ZNF804B: variants seen among roughly 807,000 people sequenced by gnomAD.
ZNF804B encodes zinc finger 804B.
ZNF804B carries 80 observed loss-of-function variants against 101.4 expected under a neutral mutation model. The observed-to-expected ratio is 0.79, with a 90% CI of 0.66 to 0.95. The LOEUF (loss-of-function observed/expected upper bound fraction) is 0.95. ZNF804B is among the 40% of genes least tolerant of loss of function. The pLI, the probability that ZNF804B is intolerant of heterozygous loss-of-function variation, is 0.00. For missense variants in ZNF804B, 1,673 were observed against 1,561.9 expected (o/e 1.07, Z -1.20); for synonymous variants, 622 against 558.8 (o/e 1.11, Z -1.59).
At chr7:88,927,873 A>G (rs1792829954) in intron 1 of ZNF804B, among the ~76,000 whole-genome samples, 2 of 151,984 alleles carry the variant, frequency 1.3e-5, no homozygotes, top group Admixed American at 6.6e-5. Flanking sequence ...TTTTTTAGCC[A>G]TGCATGTTTA....
At chr7:89,286,775 T>C (rs532438531) in intron 2 of ZNF804B, among the ~76,000 whole-genome samples, 1 of 152,166 alleles carries the variant, frequency 6.6e-6, no homozygotes, top group African/African-American at 2.4e-5. Flanking sequence ...GGCCCTTCTA[T>C]CATATGAGCA....
At position 89,065,578 on chromosome 7, in the gene ZNF804B, C is replaced by T. The variant is rs1789445100; in HGVS notation, c.109-152577C>T. 2.0e-5 allele frequency among the ~76,000 whole-genome samples: 3 copies of T among 152,082 alleles called. No individual in the cohort carries two copies. The South Asian group carries it at 6.2e-4, about 32-fold the overall frequency. ...TCTTTTCTTATTGCTGTAACAAATTCCCACAACACACAGTGGGTTAAAACA... is the reference window on the plus strand; with the variant it reads ...TCTTTTCTTATTGCTGTAACAAATTTCCACAACACACAGTGGGTTAAAACA... On this transcript the variant is annotated intron_variant, in intron 1 of 3. Coordinates refer to ENST00000333190, the MANE Select transcript of ZNF804B (RefSeq NM_181646.5).
intron 2 of ZNF804B, among the ~76,000 whole-genome samples, chr7:89,305,729 T>C (rs1790551601): frequency 6.6e-6 from 1 of 152,000 alleles, no homozygotes; most frequent in Non-Finnish European, 1.5e-5. Flanking sequence ...AGCAGATTAT[T>C]TTGTAAATTC....
At chr7:89,242,346 T>A (rs1403938829) in intron 2 of ZNF804B, among the ~76,000 whole-genome samples, 1 of 152,086 alleles carries the variant, frequency 6.6e-6, no homozygotes, top group Non-Finnish European at 1.5e-5. Flanking sequence ...TTTTGCTTTT[T>A]TACCTTGCTT....
intron 1 of ZNF804B, among the ~76,000 whole-genome samples, chr7:88,931,388 T>C (rs558729246): frequency 8.6e-4 from 130 of 152,038 alleles, no homozygotes; most frequent in African/African-American, 3.0e-3. Context: ...TCTGAATTCA[T>C]GAAGGTCAGT....
chr7:88,869,543 G>A (rs1673802792), intron 1 of ZNF804B, among the ~76,000 whole-genome samples: 1 of 152,026 alleles, frequency 6.6e-6, no homozygotes, highest in African/African-American at 2.4e-5. Flanking sequence ...GGAATTAACA[G>A]CAATATTTAT....
At chr7:89,155,112 G>A (rs763417921) in intron 1 of ZNF804B, among the ~76,000 whole-genome samples, 3 of 151,872 alleles carry the variant, frequency 2.0e-5, no homozygotes, top group Non-Finnish European at 4.4e-5. Context: ...AGAGTCACCG[G>A]CTCCACCCTG....
intron 1 of ZNF804B, among the ~76,000 whole-genome samples, chr7:89,027,091 T>TA (rs981706688): frequency 6.6e-6 from 1 of 151,932 alleles, no homozygotes; most frequent in African/African-American, 2.4e-5. Context: ...AAAGTGATTA[T>TA]AAAAAACCCA....
chr7:89,215,603 G>A (rs546945377), intron 1 of ZNF804B, among the ~76,000 whole-genome samples: 61 of 152,132 alleles, frequency 4.0e-4, no homozygotes, highest in African/African-American at 1.3e-3. Context: ...CTATGATTAG[G>A]CCGGGGGCGG....
At chr7:89,002,341 G>A (rs1788303067) in intron 1 of ZNF804B, among the ~76,000 whole-genome samples, 1 of 151,728 alleles carries the variant, frequency 6.6e-6, no homozygotes, top group African/African-American at 2.4e-5. Context: ...AAATTTTTGA[G>A]AAATTCACAT....
chr7:89,162,013 G>A (rs7790180), intron 1 of ZNF804B, among the ~76,000 whole-genome samples: 31,123 of 152,024 alleles, frequency 0.2, 3,392 homozygotes, highest in Middle Eastern at 0.39. Flanking sequence ...AACATATTTA[G>A]GATTTGTCAT....
chr7:89,069,500 AT>A (rs111620007), intron 1 of ZNF804B, among the ~76,000 whole-genome samples: 10,513 of 152,084 alleles, frequency 0.069, 431 homozygotes, highest in African/African-American at 0.094. Flanking sequence ...CATTCCTTTA[AT>A]TTTTTTTAAT....
At chr7:89,298,153 GTA>G (rs1439062511) in intron 2 of ZNF804B, among the ~76,000 whole-genome samples, 34 of 94,914 alleles carry the variant, frequency 3.6e-4, no homozygotes, top group East Asian at 1.2e-3. Flanking sequence ...CATATATATA[GTA>G]TATATATATA....
intron 2 of ZNF804B, among the ~76,000 whole-genome samples, chr7:89,298,210 G>A (rs1336967817): frequency 2.8e-4 from 19 of 68,678 alleles, no homozygotes; most frequent in African/African-American, 1.2e-3. Context: ...TAGTGTGTGT[G>A]TGTGTGTATA....
At chr7:88,938,688 T>C (rs1257433749) in intron 1 of ZNF804B, among the ~76,000 whole-genome samples, 1 of 151,930 alleles carries the variant, frequency 6.6e-6, no homozygotes, top group African/African-American at 2.4e-5. Flanking sequence ...AGAGCAAAAG[T>C]GGAAGTCTCA....
chr7:89,231,871 A>G (rs977903119), intron 2 of ZNF804B, among the ~76,000 whole-genome samples: 1 of 152,064 alleles, frequency 6.6e-6, no homozygotes, highest in Non-Finnish European at 1.5e-5. Context: ...AGAACATGTC[A>G]TCTACAAATA....
At chr7:88,904,190 A>G (rs1296211145) in intron 1 of ZNF804B, among the ~76,000 whole-genome samples, 1 of 152,204 alleles carries the variant, frequency 6.6e-6, no homozygotes, top group African/African-American at 2.4e-5. Context: ...GTATCCCAAC[A>G]ACATTTATTC....
At chr7:89,173,738 A>G (rs1191627254) in intron 1 of ZNF804B, among the ~76,000 whole-genome samples, 3 of 145,558 alleles carry the variant, frequency 2.1e-5, no homozygotes, top group Non-Finnish European at 4.7e-5. Flanking sequence ...TTTATCATCC[A>G]TCCATTTATC....
intron 1 of ZNF804B, among the ~76,000 whole-genome samples, chr7:89,134,343 C>G (rs1050021041): frequency 3.3e-5 from 5 of 151,950 alleles, no homozygotes; most frequent in Non-Finnish European, 7.4e-5. Flanking sequence ...ATGTGTAAAA[C>G]AGTGGGAATG....
Sources: gnomAD v4.1 joint callset for allele counts (sites outside exome capture counted in the v4.1 genomes callset) on GRCh38, gnomAD v4.1.1 for gene constraint, MANE v1.5 for transcripts, NCBI Gene and HGNC (gene_info 2026-07-23, HGNC 2026-07-21) for gene names.